Variants in TMTC4 observed in about 807,000 individuals in gnomAD.
The protein encoded by TMTC4 is protein O-mannosyl-transferase TMTC4.
TMTC4 carries 65 observed loss-of-function variants against 86.0 expected under a neutral mutation model. The ratio of observed to expected loss-of-function variants is 0.76; its 90% CI spans 0.62 to 0.93. The LOEUF (loss-of-function observed/expected upper bound fraction) is 0.93. Among genes scored for constraint, TMTC4 ranks in the 40% least tolerant of loss-of-function variants. TMTC4 has a pLI of 0.00. For synonymous variants in TMTC4, 379 were observed against 382.5 expected (o/e 0.99, Z 0.11); for missense variants, 866 against 948.1 (o/e 0.91, Z 1.14).
At chr13:100,628,474 T>C (rs1415560274) in intron 12 of TMTC4, among the ~76,000 whole-genome samples, 1 of 152,218 alleles carries the variant, frequency 6.6e-6, no homozygotes, top group East Asian at 1.9e-4. Context: ...CAAATCTCTC[T>C]GAGTCTCTGC....
At position 100,657,924 on chromosome 13, in the gene TMTC4, C is replaced by T. The variant is rs537105935; in HGVS notation, c.553-1456G>A. ...TCCTGATGGTTGGTACGTGGCAGCC[C>T]GTGGTGTCAGGTGATGGCTGGGAAA... On this transcript the variant is annotated intron_variant, in intron 5 of 18. Coordinates refer to ENST00000342624, the MANE Select transcript of TMTC4 (RefSeq NM_032813.5). 5.9e-5 allele frequency among the ~76,000 whole-genome samples: 9 copies of T among 152,182 alleles called. 1 individual carries two copies. In the South Asian group the frequency reaches 1.9e-3, roughly 32 times the overall value.
chr13:100,665,875 C>A (rs1402978676), intron 3 of TMTC4: 4 of 359,806 alleles, frequency 1.1e-5, no homozygotes, highest in Admixed American at 1.0e-4. Flanking sequence ...CAGGAGCACA[C>A]TGACCACTCC....
chr13:100,609,847 G>A (rs567497623), intron 17 of TMTC4, among the ~76,000 whole-genome samples: 14 of 152,136 alleles, frequency 9.2e-5, no homozygotes, highest in Admixed American at 2.0e-4. Context: ...GAGAGGCTAA[G>A]TGACTGCTGT....
At chr13:100,626,502 T>A (rs147839357) in intron 12 of TMTC4, among the ~76,000 whole-genome samples, 1 of 152,126 alleles carries the variant, frequency 6.6e-6, no homozygotes, top group African/African-American at 2.4e-5. Flanking sequence ...CAGGCTGGAG[T>A]GCAGTAGCTA....
At chr13:100,625,968 A>G (rs1880447606) in intron 13 of TMTC4, 76 bp from the exon 14 acceptor site, 1 of 1,595,072 alleles carries the variant, frequency 6.3e-7, no homozygotes, top group Admixed American at 1.7e-5. Context: ...AGGAATCGGT[A>G]AAGATATTGT....
intron 1 of TMTC4, among the ~76,000 whole-genome samples, chr13:100,672,684 G>A (rs557219498): frequency 6.6e-6 from 1 of 152,232 alleles, no homozygotes; most frequent in South Asian, 2.1e-4. Context: ...TAGAGACAGG[G>A]TCTCACTATG....
At chr13:100,660,929 C>T (rs1175479119) in intron 5 of TMTC4, among the ~76,000 whole-genome samples, 4 of 152,120 alleles carry the variant, frequency 2.6e-5, no homozygotes, top group South Asian at 4.1e-4. Context: ...GCTGTGATTA[C>T]GGGTGTGAGC....
At chr13:100,638,244 G>C (rs1326537084) in intron 7 of TMTC4, 3 of 465,324 alleles carry the variant, frequency 6.4e-6, no homozygotes, top group African/African-American at 3.9e-5. Flanking sequence ...GCCCCTGATA[G>C]TAATGATTTC....
In TMTC4 at chr13:100,644,978, C is replaced by A. The variant is rs1171043866; in HGVS notation, c.641-2667G>T. Among the ~76,000 whole-genome samples, 3 of 152,230 alleles carry A rather than the reference C, an allele frequency of 2.0e-5. 1 individual carries two copies. In the East Asian group the frequency reaches 5.8e-4, roughly 29 times the overall value. ...TACAGATGCACGCTACCACGCCCAG[C>A]TAATTTTTGTATTTTTAGTAGAGAC... On this transcript the variant is annotated intron_variant, in intron 6 of 18. Coordinates refer to ENST00000342624, the MANE Select transcript of TMTC4 (RefSeq NM_032813.5).
At chr13:100,665,249 G>A (rs764087728) in intron 3 of TMTC4, among the ~76,000 whole-genome samples, 1 of 152,178 alleles carries the variant, frequency 6.6e-6, no homozygotes, top group African/African-American at 2.4e-5. Flanking sequence ...AGGCAAACAA[G>A]GCACTGTGGT....
Position 100,618,849 on chromosome 13 carries a change from C to T in TMTC4, c.1837-4419G>A, listed in dbSNP as rs559691984. Among the ~76,000 whole-genome samples the T allele has an allele frequency of 5.3e-5, 8 of 152,348 alleles. No individual in the cohort carries two copies. In the East Asian group the frequency reaches 1.5e-3, roughly 29 times the overall value. On this transcript the variant is annotated intron_variant, in intron 15 of 18. Transcript: ENST00000342624. ...AGGATCCCAAGGCAGAAGAATTTTTCTTAGTACGGAACAAAATGAAAAGTC... is the reference window on the plus strand; with the variant it reads ...AGGATCCCAAGGCAGAAGAATTTTTTTTAGTACGGAACAAAATGAAAAGTC...
At chr13:100,652,055 G>T (rs1017401025) in intron 6 of TMTC4, among the ~76,000 whole-genome samples, 1 of 152,258 alleles carries the variant, frequency 6.6e-6, no homozygotes, top group Non-Finnish European at 1.5e-5. Context: ...ATAAAAACAT[G>T]GCTGGAGGCT....
Position 100,612,688 on chromosome 13 carries a change from CACACACG to C in TMTC4, c.1952-185_1952-179del, listed in dbSNP as rs796089432. On this transcript the variant is annotated intron_variant, in intron 16 of 18. Coordinates refer to ENST00000342624, the MANE Select transcript of TMTC4 (RefSeq NM_032813.5). ...ACACACACACACACACACACACACA[CACACACG>C]ACGTTATCAGTGGCAAAGCCACTGC... is the stretch of plus-strand genomic sequence containing the variant. Among the ~76,000 whole-genome samples, 12 of 144,634 alleles carry C rather than the reference CACACACG, an allele frequency of 8.3e-5. No homozygotes were observed. The East Asian group carries it at 2.3e-3, about 28-fold the overall frequency. The allele number at this position is 144,634 out of a possible 152,430, so 94.9% of individuals were successfully genotyped here.
chr13:100,621,518 C>T (rs1000462127), intron 15 of TMTC4, among the ~76,000 whole-genome samples: 6 of 152,152 alleles, frequency 3.9e-5, no homozygotes, highest in Non-Finnish European at 5.9e-5. Flanking sequence ...CTCCGCCTCC[C>T]GGGTTCACGC....
intron 5 of TMTC4, among the ~76,000 whole-genome samples, chr13:100,661,408 G>A (rs567991216): frequency 3.9e-5 from 6 of 152,122 alleles, no homozygotes; most frequent in Non-Finnish European, 8.8e-5. Flanking sequence ...AACTTTCCTT[G>A]GCTAATAATT....
chr13:100,625,217 G>T, intron 15 of TMTC4: 2 of 309,572 alleles, frequency 6.5e-6, no homozygotes, highest in Non-Finnish European at 1.2e-5. Flanking sequence ...CAGAGAAACT[G>T]ATGTTTATCA....
At chr13:100,641,497 C>A (rs1290950389) in intron 7 of TMTC4, among the ~76,000 whole-genome samples, 1 of 146,682 alleles carries the variant, frequency 6.8e-6, no homozygotes, top group Non-Finnish European at 1.5e-5. Context: ...TTTTTTTTTT[C>A]TTTTTTTGAG....
chr13:100,662,909 G>A, intron 5 of TMTC4, 55 bp downstream of exon 5: 1 of 1,587,362 alleles, frequency 6.3e-7, no homozygotes, highest in Non-Finnish European at 8.6e-7. Flanking sequence ...GGCGACATGG[G>A]GGTGTCATAT....
chr13:100,632,245 C>T (rs1023329070), intron 12 of TMTC4, among the ~76,000 whole-genome samples: 1 of 152,154 alleles, frequency 6.6e-6, no homozygotes, highest in Non-Finnish European at 1.5e-5. Flanking sequence ...CTGGGCACAT[C>T]ACCATACCAG....
Sources: allele counts gnomAD v4.1 joint callset (sites outside exome capture counted in the v4.1 genomes callset), GRCh38; gene constraint gnomAD v4.1.1; transcripts MANE v1.5; gene names NCBI Gene and HGNC (gene_info 2026-07-23, HGNC 2026-07-21).